CAPN9: variants seen among roughly 807,000 people sequenced by gnomAD.
CAPN9 encodes the protein calpain-9.
In CAPN9, 81 loss-of-function variants were observed where a neutral mutation model predicts 92.8. That is an observed-to-expected ratio of 0.87 (90% CI 0.73 to 1.05). CAPN9 has a LOEUF of 1.05. Ranked by LOEUF, CAPN9 falls within the 50% of genes least tolerant of loss-of-function variation. CAPN9 has a pLI of 0.00. For synonymous variants in CAPN9, 304 were observed against 328.0 expected (o/e 0.93, Z 0.79); for missense variants, 848 against 866.2 (o/e 0.98, Z 0.26).
chr1:230,748,894 C>T (rs754626109), intron 1 of CAPN9, among the ~76,000 whole-genome samples: 1 of 152,078 alleles, frequency 6.6e-6, no homozygotes, highest in Non-Finnish European at 1.5e-5. Context: ...TGGGTGTTTC[C>T]GAAGTGGTAA....
At chr1:230,774,889 G>A (rs1572051402) in intron 8 of CAPN9, among the ~76,000 whole-genome samples, 1 of 151,814 alleles carries the variant, frequency 6.6e-6, no homozygotes, top group East Asian at 1.9e-4. Flanking sequence ...GTACAGGCAT[G>A]CGCCACCACG....
chr1:230,768,049 TA>T (rs1558093763), intron 5 of CAPN9, among the ~76,000 whole-genome samples: 1 of 73,788 alleles, frequency 1.4e-5, no homozygotes, highest in African/African-American at 4.2e-5. Flanking sequence ...AATAAATAAA[TA>T]AATAAAAAAT....
chr1:230,779,451 T>C (rs1653527416), intron 9 of CAPN9, among the ~76,000 whole-genome samples: 1 of 152,164 alleles, frequency 6.6e-6, no homozygotes. Flanking sequence ...GGCACAGTTC[T>C]ATCAGGGCCC....
chr1:230,797,917 G>A (rs1000121841), intron 18 of CAPN9, among the ~76,000 whole-genome samples: 5 of 152,124 alleles, frequency 3.3e-5, no homozygotes, highest in East Asian at 1.9e-4. Flanking sequence ...GCTGCTGGCC[G>A]GCTGACTGGC....
chr1:230,801,548 A>ATCTC (rs112880876), intron 19 of CAPN9, 22 bp from the exon 20 acceptor site: 1 of 1,597,260 alleles, frequency 6.3e-7, no homozygotes, highest in South Asian at 1.1e-5. Context: ...ACGACCCCTC[A>ATCTC]TCTCTCTCTC....
intron 1 of CAPN9, among the ~76,000 whole-genome samples, chr1:230,754,482 CA>C (rs1665093508): frequency 6.6e-6 from 1 of 151,472 alleles, no homozygotes. Context: ...GGTATAGATA[CA>C]TGAAATTTTA....
rs200742141 is a variant in CAPN9 at position 230,772,082 on chromosome 1, C to A, written c.858C>A (p.Asn286Lys). The stretch of plus-strand genomic sequence containing the variant: ...ACCCTTGGGGCCAGGTTGAGTGGAA[C>A]GGGTCGTGGAGCGACAGGTCAGTCA... ...IRNPWGQVEWNGSWSDSSPEW... is the reference protein window; with the variant it reads ...IRNPWGQVEWKGSWSDSSPEW... The change falls in exon 7 of 20, where the codon AAC becomes AAA. Residue 286 changes from asparagine to lysine, a missense_variant. Transcript: ENST00000271971. 6.2e-7 allele frequency: 1 copy of A among 1,614,138 alleles called. No homozygotes were observed. Among genetic ancestry groups the A allele is most frequent in the Middle Eastern group, 1.6e-4 (1 of 6,062 alleles).
intron 6 of CAPN9, among the ~76,000 whole-genome samples, 189 bp downstream of exon 6, chr1:230,769,452 C>T (rs115902339): frequency 7.2e-4 from 109 of 152,298 alleles, no homozygotes; most frequent in African/African-American, 2.5e-3. Context: ...GTGATTCCAC[C>T]GCAGCACAAA....
intron 13 of CAPN9, among the ~76,000 whole-genome samples, 173 bp from the exon 14 acceptor site, chr1:230,789,959 T>C (rs1667868191): frequency 6.6e-6 from 1 of 152,158 alleles, no homozygotes; most frequent in Non-Finnish European, 1.5e-5. Context: ...ACATGTGACA[T>C]ATGAGACACA....
chr1:230,760,640 G>T (rs1665572699), intron 3 of CAPN9, among the ~76,000 whole-genome samples: 1 of 152,206 alleles, frequency 6.6e-6, no homozygotes, highest in African/African-American at 2.4e-5. Flanking sequence ...GCTGGGGACA[G>T]AGCCACTTTG....
At chr1:230,777,994 C>T (rs112621563) in intron 8 of CAPN9, among the ~76,000 whole-genome samples, 2,395 of 152,294 alleles carry the variant, frequency 0.016, 23 homozygotes, top group Non-Finnish European at 0.026. Context: ...TTTCTATCTT[C>T]AGCTCCTTTC....
intron 11 of CAPN9, among the ~76,000 whole-genome samples, chr1:230,782,592 A>C (rs1667299637): frequency 6.6e-6 from 1 of 152,236 alleles, no homozygotes; most frequent in Non-Finnish European, 1.5e-5. Context: ...TAGCAAAAAA[A>C]CATGATTGCA....
In CAPN9 at chr1:230,759,608, A is replaced by T. The variant is rs1489239065; in HGVS notation, c.380A>T (p.Tyr127Phe). ...CAGGACCAAAGCTTTGGCCCTGGTT[A>T]TGCCGGGATATTCCATTTCCAGGTA... ...IPQDQSFGPG[Y>F]AGIFHFQFWQ... The change falls in exon 3 of 20, where the codon TAT becomes TTT. Residue 127 changes from tyrosine to phenylalanine, a missense_variant. By Grantham distance (22) the Tyr-to-Phe change is conservative. Coordinates refer to ENST00000271971, the MANE Select transcript of CAPN9 (RefSeq NM_006615.3). 2.5e-6 allele frequency: 4 copies of T among 1,605,758 alleles called. No individual in the cohort carries two copies. In the East Asian group the frequency reaches 9.0e-5, roughly 36 times the overall value.
intron 1 of CAPN9, among the ~76,000 whole-genome samples, chr1:230,753,181 T>C (rs1664960788): frequency 6.6e-6 from 1 of 152,004 alleles, no homozygotes; most frequent in South Asian, 2.1e-4. Context: ...TTTAATGAAA[T>C]GGCGCCAAAG....
chr1:230,801,629 G>A lies in CAPN9; in HGVS notation c.*33G>A, dbSNP rs1157154270. On this transcript the variant is annotated 3_prime_UTR_variant, in exon 20 of 20. Transcript: ENST00000271971. ...TTGTAGAGATGCAGCCTGCCCAGCT[G>A]AATCTTGGCTTCTGGACCTTGACCT... 1 of 1,608,150 alleles carries A rather than the reference G, an allele frequency of 6.2e-7. No homozygotes were observed. The highest frequency in any genetic ancestry group is 8.5e-7 in the Non-Finnish European group (1 of 1,174,578).
chr1:230,788,440 G>A (rs1218958924), intron 13 of CAPN9, among the ~76,000 whole-genome samples: 1 of 152,134 alleles, frequency 6.6e-6, no homozygotes, highest in Non-Finnish European at 1.5e-5. Flanking sequence ...CCCCAGAGGT[G>A]CTCTCTTGGA....
At chr1:230,774,917 C>A (rs1253313456) in intron 8 of CAPN9, among the ~76,000 whole-genome samples, 2 of 151,656 alleles carry the variant, frequency 1.3e-5, no homozygotes, top group African/African-American at 4.8e-5. Flanking sequence ...CATTTTGTAT[C>A]TTTAGTAGAG....
intron 18 of CAPN9, among the ~76,000 whole-genome samples, chr1:230,797,249 C>T (rs373064821): frequency 3.0e-4 from 45 of 152,280 alleles, no homozygotes; most frequent in African/African-American, 1.0e-3. Flanking sequence ...CTTGTGCTCC[C>T]GCAACACATA....
At position 230,792,488 on chromosome 1, in the gene CAPN9, G is replaced by A; in HGVS notation, c.1785G>A (p.Gln595=). ...AAGTGTTCTGGGACAAGCTGAAGCA[G>A]TGGATTGTATGTAACCTGGAGCAGG... ...EFKVFWDKLK[Q]WINLFLRFDA... Residue 595 remains glutamine (Q), a synonymous_variant, in exon 16 of 20, where the codon CAG becomes CAA. Transcript: ENST00000271971. The A allele has an allele frequency of 6.2e-7, 1 of 1,613,616 alleles. No homozygotes were observed. Among genetic ancestry groups the A allele is most frequent in the South Asian group, 1.1e-5 (1 of 91,076 alleles).
Sources: gnomAD v4.1 joint callset for allele counts (sites outside exome capture counted in the v4.1 genomes callset) on GRCh38, gnomAD v4.1.1 for gene constraint, MANE v1.5 for transcripts, NCBI Gene and HGNC (gene_info 2026-07-23, HGNC 2026-07-21) for gene names.